The following KLRG2 variants were observed in gnomAD, a reference collection of about 807,000 sequenced individuals.
KLRG2 encodes killer cell lectin-like receptor subfamily G member 2.
Under a neutral mutation model 35.4 loss-of-function variants are expected in KLRG2, and 39 were observed. That is an observed-to-expected ratio of 1.10 (90% CI 0.85 to 1.44). The LOEUF (loss-of-function observed/expected upper bound fraction) is 1.44. Among genes scored for constraint, KLRG2 ranks in the 40% most tolerant of loss-of-function variants. The pLI, the probability that KLRG2 is intolerant of heterozygous loss-of-function variation, is 0.00. For missense variants in KLRG2, 632 were observed against 570.9 expected, an observed-to-expected ratio of 1.11 and a Z score of -1.09; for synonymous variants, 283 against 265.8, an observed-to-expected ratio of 1.06 and a Z score of -0.63.
the KLRG2 span, among the ~76,000 whole-genome samples, chr7:139,445,763 G>A: frequency 1.6e-5 from 2 of 121,350 alleles, no homozygotes; most frequent in Admixed American, 7.5e-5. Context: ...ATATATATGT[G>A]TATGTATATA....
At chr7:139,457,687 C>G (rs566781436) in intron 3 of KLRG2, among the ~76,000 whole-genome samples, 1 of 152,144 alleles carries the variant, frequency 6.6e-6, no homozygotes. Context: ...AGCTATCTGC[C>G]TCTCTCACCC....
At position 139,483,333 on chromosome 7, in the gene KLRG2, G is replaced by A. The variant is rs1585181249; in HGVS notation, c.310C>T (p.Pro104Ser). 10 of 1,545,274 alleles carry A rather than the reference G, an allele frequency of 6.5e-6. No individual in the cohort carries two copies. Among genetic ancestry groups the A allele is most frequent in the East Asian group, 2.5e-5 (1 of 39,916 alleles). ...GCCCCGGGCGCCTCGCCATTCCGGGGCAGCTTGACCAAGGCAGGGCCCGGT... is the reference window on the plus strand; with the variant it reads ...GCCCCGGGCGCCTCGCCATTCCGGGACAGCTTGACCAAGGCAGGGCCCGGT... Reference protein sequence around the residue: ...PSPGPALVKLPRNGEAPGAEP... With the variant: ...PSPGPALVKLSRNGEAPGAEP... The change falls in exon 1 of 5, where the codon CCC becomes TCC. Residue 104 changes from proline (P) to serine (S), a missense_variant. Coordinates refer to ENST00000340940, the MANE Select transcript of KLRG2 (RefSeq NM_198508.4).
At position 139,483,630 on chromosome 7, in the gene KLRG2, A is replaced by G; in HGVS notation, c.13T>C (p.Trp5Arg). Reference protein sequence around the residue: MEESWEAAPGGQAGA... With the variant: MEESREAAPGGQAGA... ...GCTTGGCCTCCGGGCGCAGCCTCCC[A>G]AGACTCCTCCATCCCGCGCGCCCCG... is the stretch of plus-strand genomic sequence containing the variant. Residue 5 changes from tryptophan to arginine, a missense_variant, in exon 1 of 5, where the codon TGG (tryptophan) becomes CGG (arginine). Physicochemically the swap from Trp to Arg is moderately radical, Grantham distance 101. Coordinates refer to ENST00000340940, the MANE Select transcript of KLRG2 (RefSeq NM_198508.4). The G allele has an allele frequency of 1.3e-6, 2 of 1,555,520 alleles. No homozygotes were observed. Among genetic ancestry groups the G allele is most frequent in the South Asian group, 1.2e-5 (1 of 85,170 alleles).
At chr7:139,479,821 T>C in intron 2 of KLRG2, 49 bp from the exon 3 acceptor site, 1 of 1,581,760 alleles carries the variant, frequency 6.3e-7, no homozygotes, top group Middle Eastern at 1.8e-4. Flanking sequence ...CTGCATTAAA[T>C]AAACAAAGCC....
the KLRG2 span, among the ~76,000 whole-genome samples, chr7:139,438,653 CCTT>C: frequency 6.6e-6 from 1 of 151,212 alleles, no homozygotes; most frequent in Admixed American, 6.6e-5. Context: ...ACATGATACA[CCTT>C]CTTTGGGAAA....
intron 4 of KLRG2, 49 bp downstream of exon 4, chr7:139,454,062 T>C: frequency 8.9e-7 from 1 of 1,121,486 alleles, no homozygotes; most frequent in Non-Finnish European, 1.3e-6. Flanking sequence ...TGGGGAGAAA[T>C]GGAGGATCCA....
At position 139,482,882 on chromosome 7, in the gene KLRG2, T is replaced by TC. The variant is rs1796985030; in HGVS notation, c.757+3dup. On this transcript the variant is annotated splice_donor_region_variant and intron_variant, in intron 1 of 4. Transcript: ENST00000340940. ...GTCGGCTGCCGGCGCAGGTGAGCAC[T>TC]CACCCGTAAGCGTTACGGCCCGGGG... 1 of 1,451,448 alleles carries TC rather than the reference T, an allele frequency of 6.9e-7. No individual in the cohort carries two copies. Among genetic ancestry groups the TC allele is most frequent in the African/African-American group, 1.5e-5 (1 of 67,770 alleles). 89.9% of individuals were successfully genotyped at this position (1,451,448 alleles called of 1,614,324 possible).
intron 3 of KLRG2, among the ~76,000 whole-genome samples, chr7:139,465,218 G>A (rs559631285): frequency 1.3e-5 from 2 of 152,228 alleles, no homozygotes; most frequent in Admixed American, 6.5e-5. Flanking sequence ...GCCTTCACTC[G>A]AGCCCTTGCT....
Position 139,483,211 on chromosome 7 carries a change from G to C in KLRG2, c.432C>G (p.Pro144=), listed in dbSNP as rs911254977. 1 of 1,529,452 alleles carries C rather than the reference G, an allele frequency of 6.5e-7. No homozygotes were observed. The highest frequency in any genetic ancestry group is 1.4e-5 in the African/African-American group (1 of 70,062). The allele number at this position is 1,529,452 out of a possible 1,614,324, so 94.7% of individuals were successfully genotyped here. ...GAAGGSSTPS[P]RPSTRFLKVP... is the part of the protein sequence containing the mutation. ...CCTTGAGGAAGCGCGTGGAGGGCCT[G>C]GGCGATGGCGTGCTGCTGCCACCGG... Residue 144 remains proline, a synonymous_variant, in exon 1 of 5, where the codon CCC becomes CCG. Transcript: ENST00000340940.
At chr7:139,437,417 T>C in the KLRG2 span, among the ~76,000 whole-genome samples, 2 of 98,178 alleles carry the variant, frequency 2.0e-5, no homozygotes, top group Non-Finnish European at 1.8e-5. Context: ...TGAGGGAGAC[T>C]CCATCTCCAA....
At chr7:139,437,020 G>A in the KLRG2 span, among the ~76,000 whole-genome samples, 1 of 152,282 alleles carries the variant, frequency 6.6e-6, no homozygotes, top group Admixed American at 6.5e-5. Flanking sequence ...GCTTGACAGG[G>A]GACGAAGAAC....
chr7:139,468,718 CAGTCTTTA>C (rs1796708327), intron 3 of KLRG2, among the ~76,000 whole-genome samples: 1 of 152,188 alleles, frequency 6.6e-6, no homozygotes, highest in Admixed American at 6.5e-5. Flanking sequence ...TCACATGTGT[CAGTCTTTA>C]AGTGTTGGGA....
At chr7:139,447,332 C>G in the KLRG2 span, among the ~76,000 whole-genome samples, 1 of 151,892 alleles carries the variant, frequency 6.6e-6, no homozygotes, top group Non-Finnish European at 1.5e-5. Flanking sequence ...ATGGTATGGC[C>G]TATTACTCCT....
chr7:139,433,351 T>C, the KLRG2 span, among the ~76,000 whole-genome samples: 1 of 151,824 alleles, frequency 6.6e-6, no homozygotes. Flanking sequence ...TTTTTGGAGA[T>C]GTAATTTCTT....
Position 139,466,252 on chromosome 7 carries a change from A to T in KLRG2, c.1006-12038T>A, listed in dbSNP as rs528747577. On this transcript the variant is annotated intron_variant, in intron 3 of 4. Transcript: ENST00000340940. Reference sequence around the variant, plus strand: ...AACTAAAATACCTCTTGGTCTGGGTAAACACTTTCACTGGGTGGGTAGAAG... The same window carrying T: ...AACTAAAATACCTCTTGGTCTGGGTTAACACTTTCACTGGGTGGGTAGAAG... 7.2e-4 allele frequency among the ~76,000 whole-genome samples: 109 copies of T among 152,320 alleles called. 1 individual carries two copies. The highest frequency in any genetic ancestry group is 1.1e-3 in the Non-Finnish European group (77 of 68,026).
At chr7:139,431,487 A>G in the KLRG2 span, among the ~76,000 whole-genome samples, 1 of 151,286 alleles carries the variant, frequency 6.6e-6, no homozygotes, top group Non-Finnish European at 1.5e-5. Flanking sequence ...TGGCTTCTGG[A>G]CCACCAACCA....
Position 139,479,776 on chromosome 7 carries a change from C to T in KLRG2, c.860-4G>A. The stretch of plus-strand genomic sequence containing the variant: ...GGGCACTGCTGGCATCTGGCTCCTG[C>T]AAGCACAGAGACTGCTGGTGAGCTG... On this transcript the variant is annotated splice_region_variant and splice_polypyrimidine_tract_variant and intron_variant, in intron 2 of 4. Transcript: ENST00000340940. The T allele has an allele frequency of 1.9e-6, 3 of 1,612,834 alleles. No individual in the cohort carries two copies. The highest frequency in any genetic ancestry group is 2.5e-6 in the Non-Finnish European group (3 of 1,179,464).
intron 3 of KLRG2, 24 bp from the exon 4 acceptor site, chr7:139,454,238 C>T (rs1199437588): frequency 8.4e-7 from 1 of 1,194,648 alleles, no homozygotes; most frequent in Non-Finnish European, 1.2e-6. Flanking sequence ...GTAAGCTGGT[C>T]ACTCCCCTGG....
At chr7:139,451,966 C>CTTTTT (rs58186917), downstream of KLRG2, among the ~76,000 whole-genome samples, 6 of 117,206 alleles carry the variant, frequency 5.1e-5, no homozygotes, top group African/African-American at 1.8e-4. Context: ...TTTCCATGTC[C>CTTTTT]TTTTTTTTTT....
Sources: allele counts gnomAD v4.1 joint callset (sites outside exome capture counted in the v4.1 genomes callset), GRCh38; gene constraint gnomAD v4.1.1; transcripts MANE v1.5; gene names NCBI Gene and HGNC (gene_info 2026-07-23, HGNC 2026-07-21).